Variants in ADAMTS2 observed in about 807,000 individuals in gnomAD.
The protein encoded by ADAMTS2 is ADAM metallopeptidase with thrombospondin type 1 motif 2, also known as A disintegrin and metalloproteinase with thrombospondin motifs 2.
A neutral mutation model predicts 123.0 loss-of-function variants in ADAMTS2; 50 were observed. The ratio of observed to expected loss-of-function variants is 0.41; its 90% CI spans 0.32 to 0.51. The LOEUF is 0.51. Ranked by LOEUF, ADAMTS2 falls within the 20% of genes least tolerant of loss-of-function variation. ADAMTS2 has a pLI of 0.35. For missense variants in ADAMTS2, 1,494 were observed against 1,705.2 expected, an observed-to-expected ratio of 0.88 and a Z score of 2.18; for synonymous variants, 678 against 695.4, an observed-to-expected ratio of 0.98 and a Z score of 0.39.
At chr5:179,203,607 G>C (rs1764614484) in intron 4 of ADAMTS2, among the ~76,000 whole-genome samples, 1 of 152,230 alleles carries the variant, frequency 6.6e-6, no homozygotes. Flanking sequence ...ACCCTGCCCT[G>C]TTCAGCACAG....
At chr5:179,294,073 T>C (rs963894650) in intron 2 of ADAMTS2, among the ~76,000 whole-genome samples, 3 of 152,000 alleles carry the variant, frequency 2.0e-5, no homozygotes, top group African/African-American at 4.8e-5. Flanking sequence ...CAGACCAGCA[T>C]AGTGAGGCCT....
chr5:179,207,659 G>T lies in ADAMTS2; in HGVS notation c.745C>A (p.His249Asn). 10 of 1,613,612 alleles carry T rather than the reference G, an allele frequency of 6.2e-6. No homozygotes were observed. The highest frequency in any genetic ancestry group is 7.6e-6 in the Non-Finnish European group (9 of 1,180,034). Reference sequence around the variant, plus strand: ...GCCCTCCGCCTCGAGCTGTTGGCGTGCTCCTCTAGGACGCCCAGGGCGCGG... The same window carrying T: ...GCCCTCCGCCTCGAGCTGTTGGCGTTCTCCTCTAGGACGCCCAGGGCGCGG... ...LSRALGVLEE[H>N]ANSSRRRARR... The change falls in exon 4 of 22, where the codon CAC becomes AAC. Residue 249 changes from histidine to asparagine, a missense_variant. Around this residue, in one of 6 missense-constraint regions of ADAMTS2, gnomAD observed 184 missense variants for 152.1 expected, o/e 1.21. Coordinates refer to ENST00000251582, the MANE Select transcript of ADAMTS2 (RefSeq NM_014244.5).
intron 4 of ADAMTS2, among the ~76,000 whole-genome samples, chr5:179,191,526 C>T (rs1193263344): frequency 6.6e-6 from 1 of 152,046 alleles, no homozygotes; most frequent in East Asian, 1.9e-4. Context: ...GCTGCTCTGT[C>T]ACCAGTGTGA....
At position 179,114,430 on chromosome 5, in the gene ADAMTS2, C is replaced by T. The variant is rs142299438; in HGVS notation, c.3179-106G>A. On this transcript the variant is annotated intron_variant, in intron 21 of 21. Coordinates refer to ENST00000251582, the MANE Select transcript of ADAMTS2 (RefSeq NM_014244.5). ...GGAGGCATATGGAAGAGCCCAGAGA[C>T]AGCACAGAGGCAAGTGAGCCCAGGC... 717 of 1,167,466 alleles carry T rather than the reference C, an allele frequency of 6.1e-4. 3 individuals carry two copies. In the African/African-American group the frequency reaches 9.2e-3, roughly 15 times the overall value. The allele number at this position is 1,167,466 out of a possible 1,614,324, so 72.3% of individuals were successfully genotyped here. A position where few individuals can be genotyped will look rare whatever the true frequency, so the allele number is the denominator to read the frequency against.
chr5:179,281,206 A>G (rs758204502), intron 2 of ADAMTS2, among the ~76,000 whole-genome samples: 3 of 152,244 alleles, frequency 2.0e-5, no homozygotes, highest in Non-Finnish European at 4.4e-5. Context: ...TGTGATTACC[A>G]TACCATACAT....
chr5:179,186,669 C>T (rs1409050061), intron 4 of ADAMTS2, among the ~76,000 whole-genome samples: 1 of 152,246 alleles, frequency 6.6e-6, no homozygotes, highest in Non-Finnish European at 1.5e-5. Flanking sequence ...GGCAACATTT[C>T]TGCAGAGCAG....
chr5:179,117,698 C>T lies in ADAMTS2; in HGVS notation c.3179-3374G>A, dbSNP rs924684387. Among the ~76,000 whole-genome samples the T allele has an allele frequency of 6.6e-6, 1 of 152,016 alleles. No homozygotes were observed. Among genetic ancestry groups the T allele is most frequent in the Non-Finnish European group, 1.5e-5 (1 of 68,008 alleles). On this transcript the variant is annotated intron_variant, in intron 21 of 21. Coordinates refer to ENST00000251582, the MANE Select transcript of ADAMTS2 (RefSeq NM_014244.5). This position sits in a 1 kb window ranked among gnomAD's most constrained non-coding sequence, Gnocchi z 4.2. Reference sequence around the variant, plus strand: ...GACTACAGGTGCGTGCCACCATGCCCGGCTAATTTTTGTATTTTTAGTAGA... The same window carrying T: ...GACTACAGGTGCGTGCCACCATGCCTGGCTAATTTTTGTATTTTTAGTAGA...
chr5:179,329,627 T>G (rs936475685), intron 2 of ADAMTS2, among the ~76,000 whole-genome samples: 1 of 152,170 alleles, frequency 6.6e-6, no homozygotes, highest in African/African-American at 2.4e-5. Context: ...CTGATACTTT[T>G]CTACAGGCTG....
rs1456580338 is a variant in ADAMTS2 at position 179,118,585 on chromosome 5, T to A, written c.3178+3076A>T. Among the ~76,000 whole-genome samples, 1 of 152,240 alleles carries A rather than the reference T, an allele frequency of 6.6e-6. No homozygotes were observed. Among genetic ancestry groups the A allele is most frequent in the Non-Finnish European group, 1.5e-5 (1 of 68,034 alleles). On this transcript the variant is annotated intron_variant, in intron 21 of 21. Coordinates refer to ENST00000251582, the MANE Select transcript of ADAMTS2 (RefSeq NM_014244.5). The surrounding 1 kb of genome is among the most constrained non-coding windows in gnomAD (Gnocchi z 4.5). ...CATATCCTTTAAATTAACTCCTTTTTACACTTAAAATTTGTTTTAGAAGAC... is the reference window on the plus strand; with the variant it reads ...CATATCCTTTAAATTAACTCCTTTTAACACTTAAAATTTGTTTTAGAAGAC...
Position 179,153,940 on chromosome 5 carries a change from A to C in ADAMTS2, c.1382+109T>G, listed in dbSNP as rs1763415883. ...TCTCCTCCCCCGCACACAAGCTTAG[A>C]GGACCTGAGGTCGGAGGGCTCTGGC... is the stretch of plus-strand genomic sequence containing the variant. On this transcript the variant is annotated intron_variant, in intron 8 of 21. Coordinates refer to ENST00000251582, the MANE Select transcript of ADAMTS2 (RefSeq NM_014244.5). 4 of 1,435,596 alleles carry C rather than the reference A, an allele frequency of 2.8e-6. No homozygotes were observed. The East Asian group carries it at 9.9e-5, about 36-fold the overall frequency. 88.9% of individuals were successfully genotyped at this position (1,435,596 alleles called of 1,614,324 possible). A position where few individuals can be genotyped will look rare whatever the true frequency, so the allele number is the denominator to read the frequency against.
chr5:179,181,131 A>G lies in ADAMTS2; in HGVS notation c.916T>C (p.Ser306Pro). The change falls in exon 5 of 22, where the codon TCC becomes CCC. Residue 306 changes from serine to proline, a missense_variant. Coordinates refer to ENST00000251582, the MANE Select transcript of ADAMTS2 (RefSeq NM_014244.5). This position sits in a 1 kb window ranked among gnomAD's most constrained non-coding sequence, Gnocchi z 4.1. ...NIVNEIYHDE[S>P]LGAHINVVLV... ...ACCACGTTGATGTGGGCACCCAAGG[A>G]CTCGTCATGGTAGATTTCATTGACC... is the stretch of plus-strand genomic sequence containing the variant. The G allele has an allele frequency of 6.2e-7, 1 of 1,613,682 alleles. No homozygotes were observed.
In ADAMTS2 at chr5:179,225,630, G is replaced by A. The variant is rs991538677; in HGVS notation, c.689-17915C>T. 4.6e-5 allele frequency among the ~76,000 whole-genome samples: 7 copies of A among 152,160 alleles called. No homozygotes were observed. Among genetic ancestry groups the A allele is most frequent in the African/African-American group, 9.7e-5 (4 of 41,416 alleles). On this transcript the variant is annotated intron_variant, in intron 3 of 21. Transcript: ENST00000251582. This position sits in a 1 kb window ranked among gnomAD's most constrained non-coding sequence, Gnocchi z 4.5. Reference sequence around the variant, plus strand: ...GGAACGCACCAACGAGCACCAGCACGCTGCAGGCCACCGACCGGCAGAAGC... The same window carrying A: ...GGAACGCACCAACGAGCACCAGCACACTGCAGGCCACCGACCGGCAGAAGC...
chr5:179,303,844 T>TA lies in ADAMTS2; in HGVS notation c.535-30781dup, dbSNP rs2113564279. Among the ~76,000 whole-genome samples, 1 of 152,204 alleles carries TA rather than the reference T, an allele frequency of 6.6e-6. No homozygotes were observed. Among genetic ancestry groups the TA allele is most frequent in the African/African-American group, 2.4e-5 (1 of 41,512 alleles). On this transcript the variant is annotated intron_variant, in intron 2 of 21. Coordinates refer to ENST00000251582, the MANE Select transcript of ADAMTS2 (RefSeq NM_014244.5). The surrounding 1 kb of genome is among the most constrained non-coding windows in gnomAD (Gnocchi z 4.7). Reference sequence around the variant, plus strand: ...GAAGTGTGCAAGACAGCAGGGTCAATAAAGCCCCAGCTTTCTGGCCAGAGA... The same window carrying TA: ...GAAGTGTGCAAGACAGCAGGGTCAATAAAAGCCCCAGCTTTCTGGCCAGAGA...
At chr5:179,309,552 T>C (rs1279884042) in intron 2 of ADAMTS2, among the ~76,000 whole-genome samples, 1 of 151,826 alleles carries the variant, frequency 6.6e-6, no homozygotes, top group Non-Finnish European at 1.5e-5. Flanking sequence ...GGTCAGGAAA[T>C]AGAGACCATC....
intron 2 of ADAMTS2, among the ~76,000 whole-genome samples, chr5:179,284,247 T>G (rs1021999104): frequency 6.6e-6 from 1 of 150,818 alleles, no homozygotes; most frequent in African/African-American, 2.4e-5. Context: ...GAGAATTGCT[T>G]GAACCCAGGA....
rs573951431 is a variant in ADAMTS2, at chr5:179,180,281, C to G, written c.975+791G>C. ...CTGGCGGCTACACACCCATGCACAC[C>G]GCCAGGAAAGGACGTCCCAGGTTTG... On this transcript the variant is annotated intron_variant, in intron 5 of 21. Coordinates refer to ENST00000251582, the MANE Select transcript of ADAMTS2 (RefSeq NM_014244.5). This position sits in a 1 kb window ranked among gnomAD's most constrained non-coding sequence, Gnocchi z 4.6. 6.6e-6 allele frequency among the ~76,000 whole-genome samples: 1 copy of G among 152,168 alleles called. No individual in the cohort carries two copies. The highest frequency in any genetic ancestry group is 2.4e-5 in the African/African-American group (1 of 41,422).
At chr5:179,169,022 A>G (rs1180372394) in intron 5 of ADAMTS2, among the ~76,000 whole-genome samples, 2 of 152,222 alleles carry the variant, frequency 1.3e-5, no homozygotes, top group African/African-American at 4.8e-5. Flanking sequence ...GAGCCTTCCC[A>G]GGCATGAGCC....
At chr5:179,328,498 A>G (rs1399391307) in intron 2 of ADAMTS2, among the ~76,000 whole-genome samples, 1 of 152,242 alleles carries the variant, frequency 6.6e-6, no homozygotes, top group Non-Finnish European at 1.5e-5. Flanking sequence ...GAGGACAGCA[A>G]TGCTGGGGCT....
chr5:179,173,161 A>G (rs1394643401), intron 5 of ADAMTS2, among the ~76,000 whole-genome samples: 2 of 151,556 alleles, frequency 1.3e-5, no homozygotes, highest in Non-Finnish European at 2.9e-5. Context: ...GCAGTGAGTT[A>G]TGATCACACC....
Sources: gnomAD v4.1 joint callset for allele counts (sites outside exome capture counted in the v4.1 genomes callset) on GRCh38, gnomAD v4.1.1 for gene constraint, gnomAD v4.1.1 regional missense constraint, Gnocchi (gnomAD v3.1) non-coding constraint, MANE v1.5 for transcripts, NCBI Gene and HGNC (gene_info 2026-07-23, HGNC 2026-07-21) for gene names.